Variants in AKAP8L observed in about 807,000 individuals in gnomAD.
The protein encoded by AKAP8L is A-kinase anchoring protein 8 like, also known as A-kinase anchor protein 8-like.
A neutral mutation model predicts 77.5 loss-of-function variants in AKAP8L; 34 were observed. That is an observed-to-expected ratio of 0.44 (90% CI 0.33 to 0.58). The LOEUF is 0.58. Ranked by LOEUF, AKAP8L falls within the 20% of genes least tolerant of loss-of-function variation. The pLI is 0.02. For synonymous variants in AKAP8L, 342 were observed against 340.7 expected (o/e 1.00, Z -0.04); for missense variants, 806 against 887.6 (o/e 0.91, Z 1.17).
rs532848259 is a variant in AKAP8L, at chr19:15,397,586, G to A, written c.1339C>T (p.Arg447Ter). Residue 447 changes from arginine (R) to a stop codon, truncating the protein, a stop_gained, in exon 11 of 14, where the codon CGA (arginine) becomes TGA (stop). Coordinates refer to ENST00000397410, the MANE Select transcript of AKAP8L (RefSeq NM_014371.4). LOFTEE classifies it high-confidence loss of function. This position sits in a 1 kb window ranked among gnomAD's most constrained non-coding sequence, Gnocchi z 4.7. ...CCATCAAGGTCCTCCACGGTTTTTCGGAGCTCCTCTGTCTTCTTGGTCTTG... is the reference window on the plus strand; with the variant it reads ...CCATCAAGGTCCTCCACGGTTTTTCAGAGCTCCTCTGTCTTCTTGGTCTTG... ...TNKTKKTEEL[R>*]KTVEDLDGLI... is the part of the protein sequence containing the mutation. 7 of 1,613,824 alleles carry A rather than the reference G, an allele frequency of 4.3e-6. No homozygotes were observed. The highest frequency in any genetic ancestry group is 1.7e-5 in the Admixed American group (1 of 60,014).
rs779443571 is a variant in AKAP8L, at chr19:15,397,655, C to T, written c.1300-30G>A. On this transcript the variant is annotated intron_variant, in intron 10 of 13. Transcript: ENST00000397410. The surrounding 1 kb of genome is among the most constrained non-coding windows in gnomAD (Gnocchi z 4.7). Reference sequence around the variant, plus strand: ...AAGGAATATAAAGGTTCATGTGGGCCGCCTTATGTTCTCAGGGGTCCAAGA... The same window carrying T: ...AAGGAATATAAAGGTTCATGTGGGCTGCCTTATGTTCTCAGGGGTCCAAGA... The T allele has an allele frequency of 4.3e-6, 7 of 1,613,842 alleles. 1 individual carries two copies. The highest frequency in any genetic ancestry group is 3.3e-5 in the South Asian group (3 of 91,072).
Position 15,403,322 on chromosome 19 carries a change from CG to C in AKAP8L, c.362+152del. 2 of 687,616 alleles carry C rather than the reference CG, an allele frequency of 2.9e-6. No homozygotes were observed. The highest frequency in any genetic ancestry group is 5.0e-6 in the Non-Finnish European group (2 of 399,252). The allele number at this position is 687,616 out of a possible 1,614,324, so 42.6% of individuals were successfully genotyped here. On this transcript the variant is annotated intron_variant, in intron 4 of 13. Transcript: ENST00000397410. The surrounding 1 kb of genome is among the most constrained non-coding windows in gnomAD (Gnocchi z 4.3). Reference sequence around the variant, plus strand: ...GGTGAGAGGAGACACAAGTCAGAGACGGGAAGTGCAACGGACCCTGCTGGGA... The same window carrying C: ...GGTGAGAGGAGACACAAGTCAGAGACGGAAGTGCAACGGACCCTGCTGGGA...
chr19:15,380,133 C>G lies in AKAP8L; in HGVS notation c.1930G>C (p.Gly644Arg), dbSNP rs548504573. Residue 644 changes from glycine (G) to arginine (R), a missense_variant, in exon 14 of 14, where the codon GGC (glycine) becomes CGC (arginine). Transcript: ENST00000397410. The stretch of plus-strand genomic sequence containing the variant: ...GCCCCGAGCTCGGGTCACGGGGCGC[C>G]CCCGCCGCCCTCCTCGTCGTCCTCC... The part of the protein sequence containing the change: ...DVEDDEEGGG[G>R]AP The G allele has an allele frequency of 2.0e-6, 3 of 1,496,038 alleles. No individual in the cohort carries two copies. The allele number at this position is 1,496,038 out of a possible 1,614,324, so 92.7% of individuals were successfully genotyped here. A position where few individuals can be genotyped will look rare whatever the true frequency, so the allele number is the denominator to read the frequency against.
rs1015496332 is a variant in AKAP8L, at chr19:15,401,256, C to T, written c.710G>A (p.Arg237Gln). ...IPEYGMFQGM[R>Q]GGGAFPGGSR... ...GCCGCCCGGGAAGGCGCCCCCACCT[C>T]GCATGCCCTGGAACATGCCGTACTC... is the stretch of plus-strand genomic sequence containing the variant. Residue 237 changes from arginine (R) to glutamine (Q), a missense_variant, in exon 5 of 14, where the codon CGA (arginine) becomes CAA (glutamine). Physicochemically the swap from Arg to Gln is conservative, Grantham distance 43. Around this residue, in one of 2 missense-constraint regions of AKAP8L, gnomAD observed 580 missense variants for 694.1 expected, o/e 0.84. Transcript: ENST00000397410. The surrounding 1 kb of genome is among the most constrained non-coding windows in gnomAD (Gnocchi z 6.2). 5.0e-6 allele frequency: 8 copies of T among 1,613,804 alleles called. No homozygotes were observed. Among genetic ancestry groups the T allele is most frequent in the South Asian group, 1.1e-5 (1 of 91,082 alleles).
In AKAP8L at chr19:15,380,277, C is replaced by G; in HGVS notation, c.1786G>C (p.Ala596Pro). 1 of 1,517,556 alleles carries G rather than the reference C, an allele frequency of 6.6e-7. No individual in the cohort carries two copies. Among genetic ancestry groups the G allele is most frequent in the East Asian group, 2.6e-5 (1 of 39,170 alleles). 94.0% of individuals were successfully genotyped at this position (1,517,556 alleles called of 1,614,324 possible). A position where few individuals can be genotyped will look rare whatever the true frequency, so the allele number is the denominator to read the frequency against. The change falls in exon 14 of 14, where the codon GCC (alanine) becomes CCC (proline). Residue 596 changes from alanine to proline, a missense_variant. Ala to Pro is a conservative substitution (Grantham distance 27). Coordinates refer to ENST00000397410, the MANE Select transcript of AKAP8L (RefSeq NM_014371.4). ...PAQPPVPPEPAPGAVSPPPPP... is the reference protein window; with the variant it reads ...PAQPPVPPEPPPGAVSPPPPP... ...GGTGGCGGCGACACGGCCCCGGGGGCTGGCTCTGGGGGCACGGGAGGCTGC... is the reference window on the plus strand; with the variant it reads ...GGTGGCGGCGACACGGCCCCGGGGGGTGGCTCTGGGGGCACGGGAGGCTGC...
chr19:15,397,147 C>G lies in AKAP8L; in HGVS notation c.1536+3G>C. ...ACAGAGGGAGAGCACTGTGGCCACTCACCCTGCGGTTCCGGTTGTGATCCA... is the reference window on the plus strand; with the variant it reads ...ACAGAGGGAGAGCACTGTGGCCACTGACCCTGCGGTTCCGGTTGTGATCCA... On this transcript the variant is annotated splice_donor_region_variant and intron_variant, in intron 12 of 13. Transcript: ENST00000397410. This position sits in a 1 kb window ranked among gnomAD's most constrained non-coding sequence, Gnocchi z 4.7. The G allele has an allele frequency of 6.2e-7, 1 of 1,613,682 alleles. No individual in the cohort carries two copies. Among genetic ancestry groups the G allele is most frequent in the Non-Finnish European group, 8.5e-7 (1 of 1,179,858 alleles).
intron 1 of AKAP8L, among the ~76,000 whole-genome samples, chr19:15,413,233 C>T (rs1487154628): frequency 6.6e-6 from 1 of 152,212 alleles, no homozygotes; most frequent in Admixed American, 6.5e-5. Context: ...GTGTTTTCTA[C>T]CAGTGTGGTG....
chr19:15,399,205 G>T lies in AKAP8L; in HGVS notation c.1157+97C>A. On this transcript the variant is annotated intron_variant, in intron 9 of 13. Coordinates refer to ENST00000397410, the MANE Select transcript of AKAP8L (RefSeq NM_014371.4). This position sits in a 1 kb window ranked among gnomAD's most constrained non-coding sequence, Gnocchi z 6.1. ...CGAGCAGGTGGCGGCTCCCAAGGGA[G>T]GCCAGAGGGCGGCGAGCTGGCAGAG... The T allele has an allele frequency of 8.9e-7, 1 of 1,124,330 alleles. No individual in the cohort carries two copies. Among genetic ancestry groups the T allele is most frequent in the Non-Finnish European group, 1.3e-6 (1 of 753,700 alleles). The allele number at this position is 1,124,330 out of a possible 1,614,324, so 69.6% of individuals were successfully genotyped here.
Position 15,400,378 on chromosome 19 carries a change from A to T in AKAP8L, c.985-20T>A. On this transcript the variant is annotated intron_variant, in intron 7 of 13. Coordinates refer to ENST00000397410, the MANE Select transcript of AKAP8L (RefSeq NM_014371.4). Reference sequence around the variant, plus strand: ...TCCGTCCTAACAATTTCAAATTCCAACTTTAAAACAGGTGCCTTTTTTTTT... The same window carrying T: ...TCCGTCCTAACAATTTCAAATTCCATCTTTAAAACAGGTGCCTTTTTTTTT... The T allele has an allele frequency of 6.3e-7, 1 of 1,578,710 alleles. No individual in the cohort carries two copies. Among genetic ancestry groups the T allele is most frequent in the Non-Finnish European group, 8.5e-7 (1 of 1,169,992 alleles).
chr19:15,402,093 C>G (rs931376354), intron 4 of AKAP8L, among the ~76,000 whole-genome samples: 3 of 152,194 alleles, frequency 2.0e-5, no homozygotes, highest in Non-Finnish European at 4.4e-5. Context: ...AACCTTCAAA[C>G]TCTGCAAAGT....
chr19:15,395,621 C>T (rs1967754217), intron 12 of AKAP8L, among the ~76,000 whole-genome samples: 1 of 151,350 alleles, frequency 6.6e-6, no homozygotes, highest in Admixed American at 6.6e-5. Context: ...CCAGATTTTC[C>T]AACTTTCATT....
Position 15,403,718 on chromosome 19 carries a change from G to A in AKAP8L, c.122-3C>T. On this transcript the variant is annotated splice_polypyrimidine_tract_variant and splice_region_variant and intron_variant, in intron 3 of 13. Coordinates refer to ENST00000397410, the MANE Select transcript of AKAP8L (RefSeq NM_014371.4). The surrounding 1 kb of genome is among the most constrained non-coding windows in gnomAD (Gnocchi z 4.3). ...GCCATAGCCATAGCCCTCGTAGCCT[G>A]CAGTGAGGGAGACAGAGACAGACAG... 4 of 1,567,630 alleles carry A rather than the reference G, an allele frequency of 2.6e-6. No individual in the cohort carries two copies. The highest frequency in any genetic ancestry group is 2.6e-6 in the Non-Finnish European group (3 of 1,154,830).
chr19:15,385,548 T>C (rs1348325739), intron 12 of AKAP8L, among the ~76,000 whole-genome samples: 1 of 152,188 alleles, frequency 6.6e-6, no homozygotes, highest in Non-Finnish European at 1.5e-5. Context: ...TAATGTATCA[T>C]ACATAGGGAT....
chr19:15,395,885 G>T (rs1967761004), intron 12 of AKAP8L, among the ~76,000 whole-genome samples: 2 of 139,860 alleles, frequency 1.4e-5, no homozygotes, highest in Admixed American at 1.5e-4. Flanking sequence ...TCGGGAGGCT[G>T]AGGCAGGAGA....
rs1967812072 is a variant in AKAP8L at position 15,397,937 on chromosome 19, G to A, written c.1158-82C>T. ...GCCGCCTCACCCAACCCAGACACAA[G>A]CCCTGAAACAGGCCTTGCTCACGGG... On this transcript the variant is annotated intron_variant, in intron 9 of 13. Transcript: ENST00000397410. The surrounding 1 kb of genome is among the most constrained non-coding windows in gnomAD (Gnocchi z 4.7). 1.3e-6 allele frequency: 2 copies of A among 1,534,332 alleles called. No homozygotes were observed. The highest frequency in any genetic ancestry group is 8.8e-7 in the Non-Finnish European group (1 of 1,133,960).
At chr19:15,388,392 T>G (rs1967585398) in intron 12 of AKAP8L, among the ~76,000 whole-genome samples, 2 of 152,026 alleles carry the variant, frequency 1.3e-5, no homozygotes, top group African/African-American at 4.8e-5. Flanking sequence ...CAATAGAAAC[T>G]TCCTGTGACA....
Position 15,397,260 on chromosome 19 carries a change from CA to C in AKAP8L, c.1425del (p.Phe475LeufsTer2). 6.2e-7 allele frequency: 1 copy of C among 1,614,010 alleles called. No homozygotes were observed. The highest frequency in any genetic ancestry group is 8.5e-7 in the Non-Finnish European group (1 of 1,179,894). ...CAATGGGCTGCCTCCACCTTCTTCA[CA>C]AAATGCTCCATGGCAATTTCTGTAG... ...DLTQEIAMEH[F>X]VKKVEAAHCA... On this transcript the variant is annotated frameshift_variant, in exon 12 of 14. Transcript: ENST00000397410. LOFTEE classifies it high-confidence loss of function. This position sits in a 1 kb window ranked among gnomAD's most constrained non-coding sequence, Gnocchi z 4.7.
chr19:15,406,707 C>T (rs1227446419), intron 2 of AKAP8L, among the ~76,000 whole-genome samples: 1 of 151,884 alleles, frequency 6.6e-6, no homozygotes, highest in Non-Finnish European at 1.5e-5. Context: ...GGGCTCAAGC[C>T]TCCCATCTCA....
At chr19:15,408,778 G>A (rs1199557856) in intron 2 of AKAP8L, among the ~76,000 whole-genome samples, 3 of 147,576 alleles carry the variant, frequency 2.0e-5, no homozygotes, top group East Asian at 2.0e-4. Context: ...AGGCTGAAGC[G>A]GGAGAATGGC....
Sources: allele counts gnomAD v4.1 joint callset (sites outside exome capture counted in the v4.1 genomes callset), GRCh38; gene constraint gnomAD v4.1.1; regional missense constraint gnomAD v4.1.1; non-coding constraint Gnocchi (gnomAD v3.1); transcripts MANE v1.5; gene names NCBI Gene and HGNC (gene_info 2026-07-23, HGNC 2026-07-21).